MRPS21: variants seen among roughly 807,000 people sequenced by gnomAD.
The protein encoded by MRPS21 is small ribosomal subunit protein bS21m.
MRPS21 carries 8 observed loss-of-function variants against 9.9 expected under a neutral mutation model. The observed-to-expected ratio is 0.81, with a 90% CI of 0.47 to 1.45. The LOEUF (loss-of-function observed/expected upper bound fraction) is 1.45, where lower values mean the gene tolerates loss of function less well. MRPS21 is among the 40% of genes most tolerant of loss of function. MRPS21 has a pLI of 0.00. For synonymous variants in MRPS21, 40 were observed against 40.3 expected (o/e 0.99, Z 0.03); for missense variants, 101 against 118.9 (o/e 0.85, Z 0.70).
chr1:150,305,569 C>T (rs1553858385), intron 2 of MRPS21, among the ~76,000 whole-genome samples: 1 of 152,094 alleles, frequency 6.6e-6, no homozygotes, highest in Non-Finnish European at 1.5e-5. Flanking sequence ...TTAAGTGTGA[C>T]TAGAGCATAG....
chr1:150,304,016 TAA>T, intron 2 of MRPS21: 3 of 413,966 alleles, frequency 7.2e-6, no homozygotes, highest in Non-Finnish European at 1.5e-5. Flanking sequence ...ATCAGTGCTA[TAA>T]AAGAGACATC....
intron 2 of MRPS21, among the ~76,000 whole-genome samples, chr1:150,301,027 G>C (rs1373102320): frequency 1.3e-5 from 2 of 150,634 alleles, no homozygotes; most frequent in Non-Finnish European, 3.0e-5. Flanking sequence ...ATGAAACCCT[G>C]TCTCTACTAA....
intron 2 of MRPS21, among the ~76,000 whole-genome samples, chr1:150,305,825 C>T (rs1553858430): frequency 6.6e-6 from 1 of 151,980 alleles, no homozygotes; most frequent in African/African-American, 2.4e-5. Flanking sequence ...GAACTCCTGA[C>T]CTCAAGTGAT....
At chr1:150,307,007 C>T (rs911157171) in intron 2 of MRPS21, among the ~76,000 whole-genome samples, 1 of 151,564 alleles carries the variant, frequency 6.6e-6, no homozygotes, top group Non-Finnish European at 1.5e-5. Context: ...ATAAACTCTC[C>T]AAGAGCAAGG....
At chr1:150,305,868 A>AT (rs1553858448) in intron 2 of MRPS21, among the ~76,000 whole-genome samples, 1 of 52,956 alleles carries the variant, frequency 1.9e-5, no homozygotes, top group African/African-American at 6.6e-5. Context: ...ATATATATAT[A>AT]GGGGGCAATT....
Position 150,308,553 on chromosome 1 carries a change from C to A in MRPS21, c.*325C>A. 1 of 183,038 alleles carries A rather than the reference C, an allele frequency of 5.5e-6. No individual in the cohort carries two copies. Among genetic ancestry groups the A allele is most frequent in the Non-Finnish European group, 1.1e-5 (1 of 87,056 alleles). 11.3% of individuals were successfully genotyped at this position (183,038 alleles called of 1,614,324 possible). A position where few individuals can be genotyped will look rare whatever the true frequency, so the allele number is the denominator to read the frequency against. On this transcript the variant is annotated 3_prime_UTR_variant, in exon 3 of 3. Coordinates refer to ENST00000614145, the MANE Select transcript of MRPS21 (RefSeq NM_031901.6). ...ATGAAAAAGTTCAGGAGACGATGGC[C>A]TGGCATGGTGGCTCACGCCTGTTAT...
chr1:150,307,372 C>CTTTTTTTTTTTTTTTTT (rs1159033815), intron 2 of MRPS21, among the ~76,000 whole-genome samples: 1 of 110,996 alleles, frequency 9.0e-6, no homozygotes. Flanking sequence ...TTTTTTTTTC[C>CTTTTTTTTTTTTTTTTT]TTTGAGTCAA....
At chr1:150,297,195 A>G (rs1490446953) in intron 2 of MRPS21, among the ~76,000 whole-genome samples, 2 of 151,850 alleles carry the variant, frequency 1.3e-5, no homozygotes, top group African/African-American at 2.4e-5. Flanking sequence ...GGAGGCTGAG[A>G]CAGGAGAATC....
intron 1 of MRPS21, 61 bp downstream of exon 1, chr1:150,293,959 G>T (rs1326431119): frequency 4.7e-6 from 1 of 211,252 alleles, no homozygotes; most frequent in East Asian, 1.1e-4. Context: ...GCAGGTTTGC[G>T]GGCTTTCGCC....
chr1:150,302,350 G>C (rs1553857842), intron 2 of MRPS21, among the ~76,000 whole-genome samples: 1 of 152,132 alleles, frequency 6.6e-6, no homozygotes, highest in East Asian at 1.9e-4. Flanking sequence ...TGAGAAGGTG[G>C]AGAGTGGGGG....
intron 1 of MRPS21, chr1:150,294,127 CTT>C (rs782047687): frequency 2.0e-5 from 9 of 449,532 alleles, no homozygotes; most frequent in East Asian, 4.1e-5. Context: ...GCTGCCATCT[CTT>C]TTCTTCTCTA....
At chr1:150,299,191 C>G (rs1553857136) in intron 2 of MRPS21, among the ~76,000 whole-genome samples, 2 of 152,120 alleles carry the variant, frequency 1.3e-5, no homozygotes, top group Admixed American at 1.3e-4. Context: ...AATGCATCCC[C>G]ATTTACACCT....
At chr1:150,300,028 T>C (rs1168217530) in intron 2 of MRPS21, among the ~76,000 whole-genome samples, 1 of 152,008 alleles carries the variant, frequency 6.6e-6, no homozygotes, top group Non-Finnish European at 1.5e-5. Context: ...TTCACCAGGA[T>C]TGAAAATTAT....
intron 2 of MRPS21, among the ~76,000 whole-genome samples, chr1:150,294,932 CTG>C (rs1412739073): frequency 6.7e-6 from 1 of 149,132 alleles, no homozygotes; most frequent in Non-Finnish European, 1.5e-5. Flanking sequence ...TCAAACCTAA[CTG>C]TATGAATTGT....
chr1:150,300,635 G>A (rs191544679), intron 2 of MRPS21, among the ~76,000 whole-genome samples: 60 of 152,254 alleles, frequency 3.9e-4, no homozygotes, highest in African/African-American at 1.3e-3. Flanking sequence ...GGTGAACTTC[G>A]TATTCGTTGC....
At chr1:150,301,916 G>A (rs1165183571) in intron 2 of MRPS21, among the ~76,000 whole-genome samples, 2 of 152,142 alleles carry the variant, frequency 1.3e-5, no homozygotes, top group Non-Finnish European at 2.9e-5. Flanking sequence ...TAATTTTCTA[G>A]GTAAGGACTT....
intron 2 of MRPS21, among the ~76,000 whole-genome samples, chr1:150,300,865 T>C (rs944086327): frequency 5.3e-5 from 8 of 152,062 alleles, no homozygotes; most frequent in Non-Finnish European, 1.0e-4. Context: ...AGAAAAGAAT[T>C]ATATTCTTTT....
In MRPS21 at chr1:150,294,421, G is replaced by T; in HGVS notation, c.55G>T (p.Val19Leu). 1 of 1,613,716 alleles carries T rather than the reference G, an allele frequency of 6.2e-7. No individual in the cohort carries two copies. Among genetic ancestry groups the T allele is most frequent in the Non-Finnish European group, 8.5e-7 (1 of 1,179,738 alleles). The change falls in exon 2 of 3, where the codon GTG becomes TTG. Residue 19 changes from valine to leucine, a missense_variant. Transcript: ENST00000614145. ...ARTVMVQEGN[V>L]ESAYRTLNRI... is the part of the protein sequence containing the mutation. Reference sequence around the variant, plus strand: ...GACTGTGATGGTACAGGAAGGGAACGTGGAAAGCGCATACAGGACCCTAAA... The same window carrying T: ...GACTGTGATGGTACAGGAAGGGAACTTGGAAAGCGCATACAGGACCCTAAA...
intron 2 of MRPS21, chr1:150,301,373 C>G: frequency 3.9e-6 from 1 of 253,384 alleles, no homozygotes; most frequent in Non-Finnish European, 8.0e-6. Context: ...TGGCAGGTGC[C>G]TGTAATCCCA....
Sources: gnomAD v4.1 joint callset for allele counts (sites outside exome capture counted in the v4.1 genomes callset) on GRCh38, gnomAD v4.1.1 for gene constraint, MANE v1.5 for transcripts, NCBI Gene and HGNC (gene_info 2026-07-23, HGNC 2026-07-21) for gene names.